Variants in KCNAB1 observed in about 807,000 individuals in gnomAD.
KCNAB1 encodes potassium voltage-gated channel subfamily A regulatory beta subunit 1.
In KCNAB1, 35 loss-of-function variants were observed where a neutral mutation model predicts 64.6. That is an observed-to-expected ratio of 0.54 (90% CI 0.41 to 0.72). KCNAB1 has a LOEUF of 0.72. KCNAB1 is among the 30% of genes least tolerant of loss of function. KCNAB1 has a pLI of 0.00. For synonymous variants in KCNAB1, 177 were observed against 183.8 expected (o/e 0.96, Z 0.30); for missense variants, 401 against 512.9 (o/e 0.78, Z 2.11).
At chr3:156,291,794 A>G in intron 1 of KCNAB1, 3 of 1,540,578 alleles carry the variant, frequency 1.9e-6, no homozygotes, top group Non-Finnish European at 2.6e-6. Flanking sequence ...ATCCCCAGGA[A>G]GGGGGAGCAA....
intron 8 of KCNAB1, among the ~76,000 whole-genome samples, chr3:156,490,265 G>C (rs574589807): frequency 1.3e-5 from 2 of 152,138 alleles, no homozygotes; most frequent in East Asian, 3.9e-4. Flanking sequence ...ACATTGTTGT[G>C]GAAGAAAACC....
Position 156,397,749 on chromosome 3 carries a change from T to C in KCNAB1, c.276-23867T>C, listed in dbSNP as rs77251512. Among the ~76,000 whole-genome samples, 507 of 152,326 alleles carry C rather than the reference T, an allele frequency of 3.3e-3. 4 individuals carry two copies. The highest frequency in any genetic ancestry group is 0.027 in the Middle Eastern group (8 of 294). ...GTAAATGGAGCTTCTTTGTTCCTTATATCCATTCTACTCATTCTTTTTGCC... is the reference window on the plus strand; with the variant it reads ...GTAAATGGAGCTTCTTTGTTCCTTACATCCATTCTACTCATTCTTTTTGCC... On this transcript the variant is annotated intron_variant, in intron 1 of 13. Transcript: ENST00000490337.
chr3:156,153,556 A>G (rs1308935962), intron 1 of KCNAB1, among the ~76,000 whole-genome samples: 1 of 152,244 alleles, frequency 6.6e-6, no homozygotes, highest in African/African-American at 2.4e-5. Context: ...CATGAAATTA[A>G]CATTGGAATT....
At chr3:156,184,765 A>G (rs1713083064) in intron 1 of KCNAB1, among the ~76,000 whole-genome samples, 1 of 152,124 alleles carries the variant, frequency 6.6e-6, no homozygotes, top group Non-Finnish European at 1.5e-5. Flanking sequence ...GGTCAGTTCT[A>G]AGCAAAACTG....
chr3:156,254,765 G>C (rs916569770), intron 1 of KCNAB1, among the ~76,000 whole-genome samples: 11 of 152,176 alleles, frequency 7.2e-5, no homozygotes, highest in African/African-American at 2.7e-4. Context: ...ATCTAAGTTA[G>C]AGTTAACTTT....
intron 2 of KCNAB1, among the ~76,000 whole-genome samples, chr3:156,441,001 T>C (rs1716952795): frequency 6.6e-6 from 1 of 152,206 alleles, no homozygotes. Flanking sequence ...CATTTTATAT[T>C]CCTCTTTGAG....
In KCNAB1 at chr3:156,143,300, C is replaced by T. The variant is rs546028597; in HGVS notation, c.275+22414C>T. 778 of 1,613,526 alleles carry T rather than the reference C, an allele frequency of 4.8e-4. 10 individuals carry two copies. The South Asian group carries it at 7.9e-3, about 16-fold the overall frequency. On this transcript the variant is annotated intron_variant, in intron 1 of 13. Transcript: ENST00000490337. ...GCAGTGACCAAGACTCAGCCTCAGG[C>T]GGCCTGCAAACCTGTGAGGCCCAGT...
chr3:156,174,733 G>A (rs1007435055), intron 1 of KCNAB1, among the ~76,000 whole-genome samples: 1 of 152,162 alleles, frequency 6.6e-6, no homozygotes, highest in Non-Finnish European at 1.5e-5. Context: ...GCTTCCACAG[G>A]CCCTCTTATT....
chr3:156,181,417 C>T (rs1291977558), intron 1 of KCNAB1, among the ~76,000 whole-genome samples: 2 of 152,176 alleles, frequency 1.3e-5, no homozygotes, highest in Admixed American at 1.3e-4. Flanking sequence ...GGAGTTGATG[C>T]TTACACTGGT....
At chr3:156,531,575 T>G in intron 13 of KCNAB1, 78 bp downstream of exon 13, 4 of 1,049,432 alleles carry the variant, frequency 3.8e-6, no homozygotes, top group Non-Finnish European at 4.5e-6. Context: ...GTCCCATCTC[T>G]CCCCCTCTCT....
chr3:156,151,184 T>C (rs1438946585), intron 1 of KCNAB1, among the ~76,000 whole-genome samples: 1 of 152,150 alleles, frequency 6.6e-6, no homozygotes, highest in East Asian at 1.9e-4. Flanking sequence ...AGAACCATGG[T>C]CTTGTGGGCC....
chr3:156,354,349 T>C (rs1384759227), intron 1 of KCNAB1, among the ~76,000 whole-genome samples: 2 of 151,158 alleles, frequency 1.3e-5, no homozygotes, highest in Non-Finnish European at 3.0e-5. Context: ...TTTAGTAGGA[T>C]GGGGTTTCTC....
chr3:156,222,344 A>G (rs1449732941), intron 1 of KCNAB1, among the ~76,000 whole-genome samples: 1 of 152,178 alleles, frequency 6.6e-6, no homozygotes, highest in East Asian at 1.9e-4. Flanking sequence ...AACACTATAT[A>G]ATGATAAAAG....
chr3:156,364,612 C>T (rs572771575), intron 1 of KCNAB1, among the ~76,000 whole-genome samples: 2 of 152,066 alleles, frequency 1.3e-5, no homozygotes, highest in Non-Finnish European at 2.9e-5. Context: ...AACCCTGTCT[C>T]TACTAAAAAT....
intron 1 of KCNAB1, among the ~76,000 whole-genome samples, chr3:156,356,438 A>G (rs73873328): frequency 0.12 from 18,481 of 151,864 alleles, 2,996 homozygotes; most frequent in African/African-American, 0.38. Flanking sequence ...TTTGACCTCT[A>G]CGGGGGCAGG....
chr3:156,427,686 GA>G (rs1715908845), intron 2 of KCNAB1, among the ~76,000 whole-genome samples: 1 of 152,164 alleles, frequency 6.6e-6, no homozygotes, highest in South Asian at 2.1e-4. Context: ...TGAAGAGACA[GA>G]ATTGTGGGGT....
intron 2 of KCNAB1, among the ~76,000 whole-genome samples, chr3:156,449,790 C>A (rs55754142): frequency 0.15 from 23,538 of 152,034 alleles, 3,143 homozygotes; most frequent in African/African-American, 0.36. Flanking sequence ...CAAAAAGTTA[C>A]CTTTATCTGG....
At chr3:156,341,138 ACTT>A (rs1724081974) in intron 1 of KCNAB1, among the ~76,000 whole-genome samples, 3 of 152,220 alleles carry the variant, frequency 2.0e-5, no homozygotes, top group Non-Finnish European at 4.4e-5. Context: ...AAAATACAGA[ACTT>A]CTTTTATGAT....
intron 1 of KCNAB1, among the ~76,000 whole-genome samples, chr3:156,340,336 T>G (rs182525707): frequency 1.5e-4 from 23 of 152,280 alleles, no homozygotes; most frequent in Admixed American, 1.2e-3. Flanking sequence ...GAGAGAAAAA[T>G]TATTCTACTA....
Sources: allele counts gnomAD v4.1 joint callset (sites outside exome capture counted in the v4.1 genomes callset), GRCh38; gene constraint gnomAD v4.1.1; transcripts MANE v1.5; gene names NCBI Gene and HGNC (gene_info 2026-07-23, HGNC 2026-07-21).